Variants in PIK3C2G observed in about 807,000 individuals in gnomAD.
PIK3C2G encodes the protein phosphatidylinositol-4-phosphate 3-kinase catalytic subunit type 2 gamma.
PIK3C2G carries 168 observed loss-of-function variants against 181.1 expected under a neutral mutation model. The observed-to-expected ratio is 0.93, with a 90% CI of 0.82 to 1.05. The LOEUF is 1.05. Ranked by LOEUF, PIK3C2G falls within the 50% of genes least tolerant of loss-of-function variation. The pLI is 0.00. For missense variants in PIK3C2G, 1,869 were observed against 1,732.8 expected (o/e 1.08, Z -1.40); for synonymous variants, 573 against 592.2 (o/e 0.97, Z 0.47).
chr12:18,291,091 G>C, intron 4 of PIK3C2G, 79 bp downstream of exon 4: 1 of 797,066 alleles, frequency 1.3e-6, no homozygotes, highest in Non-Finnish European at 2.0e-6. Context: ...AAAGTCTGAA[G>C]TTATTAAAAA....
chr12:18,700,583 A>G, the PIK3C2G span, among the ~76,000 whole-genome samples: 8 of 151,156 alleles, frequency 5.3e-5, no homozygotes, highest in African/African-American at 1.9e-4. Flanking sequence ...TTGAAGCTGA[A>G]ATGATATAAA....
chr12:18,245,818 T>C (rs1948033908), upstream of PIK3C2G, among the ~76,000 whole-genome samples: 1 of 152,116 alleles, frequency 6.6e-6, no homozygotes, highest in South Asian at 2.1e-4. Flanking sequence ...TCCATTTCAT[T>C]ACCATATTTT....
chr12:18,514,709 C>T (rs1942424012), intron 24 of PIK3C2G, among the ~76,000 whole-genome samples: 1 of 151,812 alleles, frequency 6.6e-6, no homozygotes, highest in South Asian at 2.1e-4. Context: ...TGACTTCCTG[C>T]TTTCCTATTT....
chr12:18,306,021 G>A (rs1950406588), intron 5 of PIK3C2G, among the ~76,000 whole-genome samples: 1 of 151,614 alleles, frequency 6.6e-6, no homozygotes, highest in Non-Finnish European at 1.5e-5. Context: ...TTAGTAGGGA[G>A]AGCGTTGCAA....
chr12:18,288,890 G>T (rs1268146050), intron 3 of PIK3C2G, among the ~76,000 whole-genome samples: 2 of 152,066 alleles, frequency 1.3e-5, no homozygotes, highest in Admixed American at 1.3e-4. Context: ...ATTTTCCAGT[G>T]ACTTATAGTG....
intron 5 of PIK3C2G, among the ~76,000 whole-genome samples, chr12:18,311,904 G>A (rs917242268): frequency 6.6e-6 from 1 of 152,132 alleles, no homozygotes; most frequent in Non-Finnish European, 1.5e-5. Flanking sequence ...AGCCGACAAT[G>A]CAGCCTTCAG....
intron 12 of PIK3C2G, among the ~76,000 whole-genome samples, chr12:18,365,663 G>A (rs1355367168): frequency 6.6e-6 from 1 of 152,000 alleles, no homozygotes; most frequent in Non-Finnish European, 1.5e-5. Context: ...CCTCTTCTCT[G>A]TTGTATATGT....
At chr12:18,619,127 C>A (rs1405622757) in intron 31 of PIK3C2G, among the ~76,000 whole-genome samples, 1 of 151,040 alleles carries the variant, frequency 6.6e-6, no homozygotes, top group Non-Finnish European at 1.5e-5. Flanking sequence ...AATAAAACTG[C>A]TGAAAACTAA....
chr12:18,381,804 T>A lies in PIK3C2G; in HGVS notation c.1919T>A (p.Leu640Ter). The A allele has an allele frequency of 6.2e-7, 1 of 1,613,710 alleles. No individual in the cohort carries two copies. The highest frequency in any genetic ancestry group is 8.5e-7 in the Non-Finnish European group (1 of 1,179,596). The change falls in exon 14 of 33, where the codon TTA becomes TAA. Residue 640 changes from leucine to a stop codon, truncating the protein, a stop_gained. Coordinates refer to ENST00000538779, the MANE Select transcript of PIK3C2G (RefSeq NM_001288772.2). LOFTEE classifies it high-confidence loss of function. ...GGGTCTATGCTGTTCAGCATGACATTACAGAGTGAGCCTCCCGTAGAAATG... is the reference window on the plus strand; with the variant it reads ...GGGTCTATGCTGTTCAGCATGACATAACAGAGTGAGCCTCCCGTAGAAATG... ...ILGSMLFSMT[L>*]QSEPPVEMIT...
the PIK3C2G span, chr12:18,696,091 A>T: frequency 3.2e-4 from 308 of 966,386 alleles, 7 homozygotes; most frequent in South Asian, 4.2e-3. Flanking sequence ...TCATACATTC[A>T]TAAAATGAAT....
chr12:18,692,359 G>A, the PIK3C2G span, among the ~76,000 whole-genome samples: 473 of 152,234 alleles, frequency 3.1e-3, 1 homozygote, highest in Middle Eastern at 0.017. Flanking sequence ...AGTAAGTGGA[G>A]AGAAAAAGCA....
chr12:18,370,160 CT>C (rs141234693), intron 12 of PIK3C2G, among the ~76,000 whole-genome samples: 5,882 of 152,238 alleles, frequency 0.039, 356 homozygotes, highest in African/African-American at 0.13. Flanking sequence ...CTCCCTGCCC[CT>C]ATTAGGGATG....
intron 18 of PIK3C2G, among the ~76,000 whole-genome samples, chr12:18,481,733 G>A (rs1344094202): frequency 6.6e-6 from 1 of 152,118 alleles, no homozygotes; most frequent in Non-Finnish European, 1.5e-5. Context: ...AGAGTAAGTG[G>A]TGGAGAGGGA....
At chr12:18,275,963 A>G (rs574186145) in intron 1 of PIK3C2G, among the ~76,000 whole-genome samples, 1 of 152,316 alleles carries the variant, frequency 6.6e-6, no homozygotes, top group African/African-American at 2.4e-5. Flanking sequence ...ATTGAAAATA[A>G]TTTTCCAGTC....
rs185608265 is a variant in PIK3C2G at position 18,324,690 on chromosome 12, C to A, written c.1209-345C>A. On this transcript the variant is annotated intron_variant, in intron 7 of 32. Coordinates refer to ENST00000538779, the MANE Select transcript of PIK3C2G (RefSeq NM_001288772.2). ...ACAAGATATGCCATACTTAATATTT[C>A]TTGATGTTAATATATGCCATTATCT... Among the ~76,000 whole-genome samples the A allele has an allele frequency of 6.6e-5, 10 of 152,248 alleles. No homozygotes were observed. The East Asian group carries it at 1.7e-3, about 26-fold the overall frequency.
intron 18 of PIK3C2G, among the ~76,000 whole-genome samples, chr12:18,488,149 T>C (rs1940233385): frequency 6.6e-6 from 1 of 152,134 alleles, no homozygotes; most frequent in African/African-American, 2.4e-5. Flanking sequence ...GTCAAAAGCA[T>C]GTTCTTGAGA....
At chr12:18,719,219 C>T in the PIK3C2G span, among the ~76,000 whole-genome samples, 3 of 152,094 alleles carry the variant, frequency 2.0e-5, no homozygotes, top group African/African-American at 7.2e-5. Flanking sequence ...AGAAGGAAAG[C>T]ATATGATACT....
At chr12:18,548,145 G>C (rs909361753) in intron 26 of PIK3C2G, among the ~76,000 whole-genome samples, 1 of 151,970 alleles carries the variant, frequency 6.6e-6, no homozygotes, top group African/African-American at 2.4e-5. Flanking sequence ...CCCTTCAGGA[G>C]AGGATCTGAG....
At chr12:18,327,573 T>C (rs1951402864) in intron 8 of PIK3C2G, among the ~76,000 whole-genome samples, 1 of 152,106 alleles carries the variant, frequency 6.6e-6, no homozygotes, top group Non-Finnish European at 1.5e-5. Flanking sequence ...GTCAAATGGC[T>C]AGTTTTGTAT....
Sources: allele counts gnomAD v4.1 joint callset (sites outside exome capture counted in the v4.1 genomes callset), GRCh38; gene constraint gnomAD v4.1.1; transcripts MANE v1.5; gene names NCBI Gene and HGNC (gene_info 2026-07-23, HGNC 2026-07-21).